Variants in KIAA0825 observed in about 807,000 individuals in gnomAD.
KIAA0825 encodes the protein KIAA0825.
In KIAA0825, 119 loss-of-function variants were observed where a neutral mutation model predicts 147.6. That is an observed-to-expected ratio of 0.81 (90% CI 0.69 to 0.94). The LOEUF (loss-of-function observed/expected upper bound fraction) is 0.94. KIAA0825 is among the 40% of genes least tolerant of loss of function. The probability of loss-of-function intolerance (pLI) is 0.00; values close to 1 mark genes in which losing one functional copy is unlikely to be tolerated. For synonymous variants in KIAA0825, 470 were observed against 518.1 expected (o/e 0.91, Z 1.26); for missense variants, 1,381 against 1,472.7 (o/e 0.94, Z 1.02).
intron 1 of KIAA0825, chr5:94,615,532 G>A (rs752866805): frequency 2.2e-4 from 33 of 152,162 alleles, no homozygotes; most frequent in Non-Finnish European, 4.4e-4. Flanking sequence ...TCTGTAAAAG[G>A]AGGATAATAA....
rs1562311901 is a variant in KIAA0825, at chr5:94,205,296, TA to T, written c.3711-51173del. On this transcript the variant is annotated intron_variant, in intron 20 of 20. Coordinates refer to ENST00000682413, the MANE Select transcript of KIAA0825 (RefSeq NM_001145678.3). ...ATATATATATATATATATATATATA[TA>T]TATTTTGTTTTGTTTTGTTTTTGAG... 5.1e-4 allele frequency among the ~76,000 whole-genome samples: 73 copies of T among 143,610 alleles called. 1 individual carries two copies. Among genetic ancestry groups the T allele is most frequent in the African/African-American group, 1.5e-3 (60 of 39,038 alleles). 94.2% of individuals were successfully genotyped at this position (143,610 alleles called of 152,430 possible). A position where few individuals can be genotyped will look rare whatever the true frequency, so the allele number is the denominator to read the frequency against.
chr5:94,423,630 T>A (rs564946156), intron 14 of KIAA0825, among the ~76,000 whole-genome samples: 1 of 152,254 alleles, frequency 6.6e-6, no homozygotes, highest in East Asian at 1.9e-4. Context: ...ACTAAAGAGG[T>A]TTTGGCAACA....
At chr5:94,591,259 CAG>C (rs1394804240) in intron 1 of KIAA0825, among the ~76,000 whole-genome samples, 6 of 152,152 alleles carry the variant, frequency 3.9e-5, no homozygotes, top group African/African-American at 1.4e-4. Flanking sequence ...ATATCCATGG[CAG>C]AGAGTGGAGT....
intron 14 of KIAA0825, among the ~76,000 whole-genome samples, chr5:94,422,313 G>T (rs1170658745): frequency 1.3e-5 from 2 of 152,096 alleles, no homozygotes; most frequent in African/African-American, 4.8e-5. Context: ...GGGACACAGA[G>T]AAGAATGTGA....
chr5:94,263,347 C>T (rs929476500), intron 20 of KIAA0825, among the ~76,000 whole-genome samples: 9 of 152,142 alleles, frequency 5.9e-5, no homozygotes, highest in Non-Finnish European at 1.3e-4. Flanking sequence ...TCTCCTGAAC[C>T]TAGGCCTCGT....
chr5:94,174,124 T>C (rs1446496935), intron 20 of KIAA0825, among the ~76,000 whole-genome samples: 1 of 152,164 alleles, frequency 6.6e-6, no homozygotes, highest in African/African-American at 2.4e-5. Context: ...GGGGCTCCCA[T>C]AGATAAATTT....
intron 20 of KIAA0825, among the ~76,000 whole-genome samples, chr5:94,201,144 G>C (rs1225376757): frequency 6.7e-6 from 1 of 150,318 alleles, no homozygotes; most frequent in Non-Finnish European, 1.5e-5. Context: ...ACAGGTGCTT[G>C]AGACTCTGAG....
Position 94,469,970 on chromosome 5 carries a change from A to G in KIAA0825, c.1863T>C (p.Ala621=), listed in dbSNP as rs763814329. The G allele has an allele frequency of 9.0e-6, 14 of 1,547,212 alleles. No individual in the cohort carries two copies. Among genetic ancestry groups the G allele is most frequent in the Non-Finnish European group, 1.2e-5 (14 of 1,144,736 alleles). The change falls in exon 10 of 21, where the codon GCT becomes GCC. Residue 621 remains alanine (A), a synonymous_variant. Coordinates refer to ENST00000682413, the MANE Select transcript of KIAA0825 (RefSeq NM_001145678.3). ...AESHHWDDYK[A]FYEGERCSFS... The stretch of plus-strand genomic sequence containing the variant: ...AAACTTAACTTCACACCTCATAAAA[A>G]GCTTTGTAGTCATCCCAGTGGTGGC...
At chr5:94,203,660 C>T (rs754693396) in intron 20 of KIAA0825, among the ~76,000 whole-genome samples, 1 of 152,096 alleles carries the variant, frequency 6.6e-6, no homozygotes, top group Non-Finnish European at 1.5e-5. Context: ...TAAGTATTCA[C>T]AATCAAATGG....
At chr5:94,613,096 A>G (rs2152444067) in intron 1 of KIAA0825, among the ~76,000 whole-genome samples, 1 of 152,356 alleles carries the variant, frequency 6.6e-6, no homozygotes, top group East Asian at 1.9e-4. Flanking sequence ...TTGCCTAATT[A>G]GTCAAAATGA....
intron 1 of KIAA0825, chr5:94,594,205 C>G (rs1784855465): frequency 3.4e-6 from 2 of 583,312 alleles, no homozygotes; most frequent in Admixed American, 3.8e-5. Flanking sequence ...GAAATTTTAT[C>G]TTCATCTCTA....
At position 94,537,118 on chromosome 5, in the gene KIAA0825, C is replaced by A; in HGVS notation, c.9G>T (p.Trp3Cys). 2 of 1,609,264 alleles carry A rather than the reference C, an allele frequency of 1.2e-6. No homozygotes were observed. Among genetic ancestry groups the A allele is most frequent in the South Asian group, 2.2e-5 (2 of 89,832 alleles). Residue 3 changes from tryptophan to cysteine, a missense_variant, in exon 3 of 21, where the codon TGG (tryptophan) becomes TGT (cysteine). Transcript: ENST00000682413. MD[W>C]DDEYSHNSFD... The stretch of plus-strand genomic sequence containing the variant: ...AAGAATTATGAGAATATTCATCATC[C>A]CAATCCATTCTGAGGAGCAAGAATA...
chr5:94,370,935 AACAAAAAAAC>A (rs1269448380), intron 20 of KIAA0825, among the ~76,000 whole-genome samples: 1 of 151,818 alleles, frequency 6.6e-6, no homozygotes. Flanking sequence ...AACAAAACAA[AACAAAAAAAC>A]GTAGTGTCAT....
chr5:94,417,637 G>A (rs1442837780), intron 14 of KIAA0825, among the ~76,000 whole-genome samples: 1 of 152,022 alleles, frequency 6.6e-6, no homozygotes, highest in Non-Finnish European at 1.5e-5. Flanking sequence ...CACTTCAAAG[G>A]TCAACGCTAG....
intron 20 of KIAA0825, among the ~76,000 whole-genome samples, chr5:94,215,608 C>A (rs2150052694): frequency 6.6e-6 from 1 of 152,244 alleles, no homozygotes; most frequent in African/African-American, 2.4e-5. Context: ...ATCTCATTTG[C>A]CTAAGTAGTC....
intron 1 of KIAA0825, among the ~76,000 whole-genome samples, chr5:94,595,866 G>T (rs1409119714): frequency 6.6e-6 from 1 of 152,190 alleles, no homozygotes; most frequent in Non-Finnish European, 1.5e-5. Flanking sequence ...CAAGTTCAAA[G>T]TTCAACAAAT....
At chr5:94,562,108 A>G (rs1474539509) in intron 2 of KIAA0825, among the ~76,000 whole-genome samples, 1 of 152,176 alleles carries the variant, frequency 6.6e-6, no homozygotes, top group Non-Finnish European at 1.5e-5. Flanking sequence ...AGGATGTTAG[A>G]TAAAAACAAT....
At position 94,152,903 on chromosome 5, in the gene KIAA0825, T is replaced by TATATATATATATAA. The variant is rs1386044229; in HGVS notation, c.*1103_*1104insTTATATATATATAT. The TATATATATATATAA allele has an allele frequency of 1.4e-3, 28 of 20,244 alleles. 4 individuals are homozygous for TATATATATATATAA. The highest frequency in any genetic ancestry group is 4.0e-3 in the East Asian group (3 of 756). The allele number at this position is 20,244 out of a possible 1,614,324, so 1.3% of individuals were successfully genotyped here. Reference sequence around the variant, plus strand: ...ATATATATATATATATATATATATATGGTTTCTCCCAGACGTTCTTAGACT... The same window carrying TATATATATATATAA: ...ATATATATATATATATATATATATATATATATATATATAAGGTTTCTCCCAGACGTTCTTAGACT... On this transcript the variant is annotated 3_prime_UTR_variant, in exon 21 of 21. Coordinates refer to ENST00000682413, the MANE Select transcript of KIAA0825 (RefSeq NM_001145678.3).
At chr5:94,361,116 T>C (rs186410290) in intron 20 of KIAA0825, among the ~76,000 whole-genome samples, 67 of 152,310 alleles carry the variant, frequency 4.4e-4, no homozygotes, top group East Asian at 1.9e-4. Flanking sequence ...CTTGCAAATA[T>C]AATTAAAATA....
Sources: allele counts gnomAD v4.1 joint callset (sites outside exome capture counted in the v4.1 genomes callset), GRCh38; gene constraint gnomAD v4.1.1; transcripts MANE v1.5; gene names NCBI Gene and HGNC (gene_info 2026-07-23, HGNC 2026-07-21).